Variants in SYNPR observed in about 807,000 individuals in gnomAD.
SYNPR encodes the protein synaptoporin.
SYNPR carries 23 observed loss-of-function variants against 32.9 expected under a neutral mutation model. The ratio of observed to expected loss-of-function variants is 0.70; its 90% CI spans 0.50 to 0.99. The LOEUF (loss-of-function observed/expected upper bound fraction) is 0.99, where lower values mean the gene tolerates loss of function less well. Among genes scored for constraint, SYNPR ranks in the 50% least tolerant of loss-of-function variants. The pLI is 0.00. For synonymous variants in SYNPR, 146 were observed against 135.9 expected (o/e 1.07, Z -0.52); for missense variants, 318 against 349.3 (o/e 0.91, Z 0.71).
At chr3:63,480,990 C>T (rs759795994) in intron 3 of SYNPR, 34 bp downstream of exon 3, 10 of 1,594,850 alleles carry the variant, frequency 6.3e-6, no homozygotes, top group African/African-American at 2.7e-5. Flanking sequence ...GTTAGCCTCA[C>T]AGGGGGTTAT....
intron 3 of SYNPR, among the ~76,000 whole-genome samples, chr3:63,492,331 G>A (rs1701271058): frequency 6.6e-6 from 1 of 152,166 alleles, no homozygotes; most frequent in Non-Finnish European, 1.5e-5. Context: ...GAGAAAGCTG[G>A]ATTTAAGGCT....
intron 2 of SYNPR, among the ~76,000 whole-genome samples, chr3:63,461,779 C>T (rs1700587991): frequency 6.6e-6 from 1 of 151,888 alleles, no homozygotes; most frequent in African/African-American, 2.4e-5. Flanking sequence ...CAGAAGTTAC[C>T]ATGCTATGAA....
At chr3:63,245,710 AGTGTGT>A (rs1159947180) in intron 1 of SYNPR, among the ~76,000 whole-genome samples, 210 of 44,214 alleles carry the variant, frequency 4.7e-3, no homozygotes, top group African/African-American at 0.021. Context: ...AGAGAGAGAG[AGTGTGT>A]GTGTGTGTGT....
intron 3 of SYNPR, among the ~76,000 whole-genome samples, chr3:63,489,918 G>C (rs1275947679): frequency 6.6e-6 from 1 of 152,132 alleles, no homozygotes; most frequent in East Asian, 1.9e-4. Context: ...TGGAATCTGG[G>C]GGAATAAAGA....
intron 4 of SYNPR, among the ~76,000 whole-genome samples, chr3:63,575,510 A>C (rs551945015): frequency 1.9e-4 from 29 of 152,296 alleles, no homozygotes; most frequent in Admixed American, 1.8e-3. Context: ...AACTTTTCCC[A>C]GATACGCTTC....
At chr3:63,605,177 G>C (rs1353542853) in intron 4 of SYNPR, among the ~76,000 whole-genome samples, 1 of 152,202 alleles carries the variant, frequency 6.6e-6, no homozygotes, top group Non-Finnish European at 1.5e-5. Flanking sequence ...AAAAGAATAA[G>C]GGGATAGAGA....
At chr3:63,344,952 T>C (rs1158288033) in intron 2 of SYNPR, among the ~76,000 whole-genome samples, 6 of 152,154 alleles carry the variant, frequency 3.9e-5, no homozygotes, top group Non-Finnish European at 7.4e-5. Flanking sequence ...TTTCTTGGTA[T>C]GTGTAATGGG....
At chr3:63,283,627 T>C (rs1170978254) in intron 2 of SYNPR, among the ~76,000 whole-genome samples, 7 of 146,754 alleles carry the variant, frequency 4.8e-5, no homozygotes, top group Non-Finnish European at 7.5e-5. Flanking sequence ...ATAATTCTTT[T>C]TTTTTTTTTT....
chr3:63,401,079 G>A (rs1211942146), intron 2 of SYNPR, among the ~76,000 whole-genome samples: 4 of 151,996 alleles, frequency 2.6e-5, no homozygotes, highest in South Asian at 4.2e-4. Flanking sequence ...GACCCAGCTC[G>A]AGAGGGAGGT....
intron 3 of SYNPR, among the ~76,000 whole-genome samples, chr3:63,530,690 A>G (rs1702096652): frequency 6.6e-6 from 1 of 152,158 alleles, no homozygotes; most frequent in Non-Finnish European, 1.5e-5. Context: ...GGTGGGCACT[A>G]ATGGTCTGTG....
intron 2 of SYNPR, among the ~76,000 whole-genome samples, chr3:63,458,756 C>A (rs1240177606): frequency 6.6e-6 from 1 of 152,238 alleles, no homozygotes; most frequent in East Asian, 1.9e-4. Context: ...GTCCAATCTT[C>A]TTACCTTACT....
chr3:63,328,622 G>T lies in SYNPR; in HGVS notation c.84+49880G>T, dbSNP rs537911810. Among the ~76,000 whole-genome samples the T allele has an allele frequency of 7.4e-4, 112 of 152,268 alleles. 4 individuals are homozygous for T. The South Asian group carries it at 0.023, about 31-fold the overall frequency. ...AGCCCTGGGAAGAATGCAGTGCTCT[G>T]GGGCTTAGCAGGAGAGCTGTGGATG... On this transcript the variant is annotated intron_variant, in intron 2 of 5. Transcript: ENST00000478300.
At chr3:63,394,913 A>G (rs2088191447) in intron 2 of SYNPR, among the ~76,000 whole-genome samples, 1 of 152,224 alleles carries the variant, frequency 6.6e-6, no homozygotes, top group Non-Finnish European at 1.5e-5. Context: ...TCATATTTAT[A>G]GGGCATAATT....
intron 2 of SYNPR, among the ~76,000 whole-genome samples, chr3:63,282,104 A>G (rs953573214): frequency 6.6e-6 from 1 of 152,256 alleles, no homozygotes; most frequent in African/African-American, 2.4e-5. Flanking sequence ...GTCTTTTGAC[A>G]GGAATACCAG....
chr3:63,450,645 C>T (rs950897328), intron 2 of SYNPR, among the ~76,000 whole-genome samples: 1 of 152,102 alleles, frequency 6.6e-6, no homozygotes, highest in Admixed American at 6.5e-5. Flanking sequence ...GTTATTTTAG[C>T]CAGTTTCAGC....
rs72889214 is a variant in SYNPR at position 63,571,468 on chromosome 3, G to A, written c.408+14727G>A. 3.4e-3 allele frequency among the ~76,000 whole-genome samples: 518 copies of A among 152,100 alleles called. 4 individuals are homozygous for A. The highest frequency in any genetic ancestry group is 0.012 in the African/African-American group (490 of 41,488). Reference sequence around the variant, plus strand: ...GTTACTAACGCTTATCTGTTTTCTGGTTGAGGGAGGTTACTTGATAAATAG... The same window carrying A: ...GTTACTAACGCTTATCTGTTTTCTGATTGAGGGAGGTTACTTGATAAATAG... On this transcript the variant is annotated intron_variant, in intron 4 of 5. Coordinates refer to ENST00000478300, the MANE Select transcript of SYNPR (RefSeq NM_001130003.2).
chr3:63,501,174 G>C (rs1701470156), intron 3 of SYNPR, among the ~76,000 whole-genome samples: 1 of 152,076 alleles, frequency 6.6e-6, no homozygotes, highest in African/African-American at 2.4e-5. Context: ...TCACCTCATA[G>C]GGTTATTATG....
Position 63,452,576 on chromosome 3 carries a change from G to A in SYNPR, c.85-28256G>A, listed in dbSNP as rs547346701. On this transcript the variant is annotated intron_variant, in intron 2 of 5. Transcript: ENST00000478300. ...AGTTTGCATAGATGACATTTATGTA[G>A]CACTTTCTGTTTACCAGGCACCATG... 9.2e-5 allele frequency among the ~76,000 whole-genome samples: 14 copies of A among 152,206 alleles called. No homozygotes were observed. In the South Asian group the frequency reaches 2.9e-3, roughly 32 times the overall value.
At chr3:63,561,239 T>A (rs1235825765) in intron 4 of SYNPR, among the ~76,000 whole-genome samples, 1 of 152,150 alleles carries the variant, frequency 6.6e-6, no homozygotes, top group East Asian at 1.9e-4. Flanking sequence ...AGGACGATAA[T>A]AACAATAACA....
Sources: gnomAD v4.1 joint callset for allele counts (sites outside exome capture counted in the v4.1 genomes callset) on GRCh38, gnomAD v4.1.1 for gene constraint, MANE v1.5 for transcripts, NCBI Gene and HGNC (gene_info 2026-07-23, HGNC 2026-07-21) for gene names.